GNAL: variants seen among roughly 807,000 people sequenced by gnomAD.
The protein encoded by GNAL is G protein subunit alpha L, also known as guanine nucleotide-binding protein G(olf) subunit alpha.
Under a neutral mutation model 55.1 loss-of-function variants are expected in GNAL, and 18 were observed. That is an observed-to-expected ratio of 0.33 (90% CI 0.23 to 0.48). GNAL has a LOEUF of 0.48. GNAL is among the 20% of genes least tolerant of loss of function. The pLI is 0.99. For synonymous variants in GNAL, 253 were observed against 237.0 expected, an observed-to-expected ratio of 1.07 and a Z score of -0.62; for missense variants, 412 against 614.1, an observed-to-expected ratio of 0.67 and a Z score of 3.48.
At chr18:11,709,167 A>G (rs1482785411) in intron 1 of GNAL, among the ~76,000 whole-genome samples, 1 of 152,112 alleles carries the variant, frequency 6.6e-6, no homozygotes, top group Non-Finnish European at 1.5e-5. Context: ...TTATGTATCT[A>G]TATGCCAGTA....
chr18:11,844,034 G>A lies in GNAL; in HGVS notation c.723-18361G>A, dbSNP rs568667530. Among the ~76,000 whole-genome samples, 3 of 152,224 alleles carry A rather than the reference G, an allele frequency of 2.0e-5. No individual in the cohort carries two copies. The East Asian group carries it at 5.8e-4, about 29-fold the overall frequency. On this transcript the variant is annotated intron_variant, in intron 5 of 11. Transcript: ENST00000334049. The stretch of plus-strand genomic sequence containing the variant: ...AGTTTAATTACAGTTATTCCTTGAC[G>A]AAAAGAAATGGCCAAGATTAGCCTT...
At position 11,884,453 on chromosome 18, in the gene GNAL, T is replaced by C; in HGVS notation, c.*3318T>C. On this transcript the variant is annotated 3_prime_UTR_variant, in exon 12 of 12. Transcript: ENST00000334049. The stretch of plus-strand genomic sequence containing the variant: ...ATAATGGCGCCTGCTCTTCATCTTG[T>C]CTTACGCTTTCCGAGCAAGTTCAAA... 6.2e-7 allele frequency: 1 copy of C among 1,614,028 alleles called. No homozygotes were observed. The highest frequency in any genetic ancestry group is 8.5e-7 in the Non-Finnish European group (1 of 1,179,942).
chr18:11,800,311 C>T (rs917079291), intron 4 of GNAL, among the ~76,000 whole-genome samples: 3 of 152,086 alleles, frequency 2.0e-5, no homozygotes, highest in African/African-American at 7.2e-5. Flanking sequence ...GTGTCCAATC[C>T]ACCCCTGCAG....
At chr18:11,799,897 C>A (rs950266495) in intron 4 of GNAL, among the ~76,000 whole-genome samples, 8 of 152,008 alleles carry the variant, frequency 5.3e-5, no homozygotes, top group African/African-American at 1.7e-4. Flanking sequence ...TTCTCTCTCC[C>A]TCTCTCTCGC....
intron 6 of GNAL, among the ~76,000 whole-genome samples, chr18:11,864,149 C>T (rs1190030493): frequency 2.0e-5 from 3 of 147,884 alleles, no homozygotes; most frequent in Admixed American, 6.7e-5. Flanking sequence ...TGCAATGGCG[C>T]GATCTCAGCT....
chr18:11,707,604 A>C (rs1404851080), intron 1 of GNAL, among the ~76,000 whole-genome samples: 1 of 152,208 alleles, frequency 6.6e-6, no homozygotes, highest in Non-Finnish European at 1.5e-5. Flanking sequence ...ATTGATTTCA[A>C]CTTAAAGTTA....
chr18:11,803,604 G>T (rs1386016984), intron 4 of GNAL, among the ~76,000 whole-genome samples: 1 of 152,252 alleles, frequency 6.6e-6, no homozygotes, highest in South Asian at 2.1e-4. Context: ...ATATTGTGTA[G>T]TGGTGAAGTG....
intron 9 of GNAL, among the ~76,000 whole-genome samples, chr18:11,870,000 A>T (rs2036358031): frequency 6.6e-6 from 1 of 152,334 alleles, no homozygotes; most frequent in South Asian, 2.1e-4. Flanking sequence ...ACAACTACTT[A>T]CCTAGCTTTT....
At chr18:11,847,360 A>G (rs2035762008) in intron 5 of GNAL, among the ~76,000 whole-genome samples, 1 of 151,916 alleles carries the variant, frequency 6.6e-6, no homozygotes, top group Non-Finnish European at 1.5e-5. Context: ...AAATAGTTTA[A>G]CTCACAAGAG....
chr18:11,761,038 C>G (rs1455952945), intron 4 of GNAL, among the ~76,000 whole-genome samples: 1 of 152,176 alleles, frequency 6.6e-6, no homozygotes, highest in African/African-American at 2.4e-5. Context: ...GGAAGTGGAG[C>G]AGAGCTAGCG....
intron 4 of GNAL, among the ~76,000 whole-genome samples, chr18:11,806,970 C>A (rs2034679804): frequency 6.6e-6 from 1 of 151,944 alleles, no homozygotes; most frequent in Non-Finnish European, 1.5e-5. Flanking sequence ...ACTGGCCTGG[C>A]CAACATGGTG....
At chr18:11,704,331 C>T (rs748433677) in intron 1 of GNAL, among the ~76,000 whole-genome samples, 3 of 152,234 alleles carry the variant, frequency 2.0e-5, no homozygotes, top group Admixed American at 2.0e-4. Flanking sequence ...CAGAAACAGC[C>T]ACACAGTCAC....
intron 1 of GNAL, among the ~76,000 whole-genome samples, chr18:11,742,146 A>G (rs2032590369): frequency 6.6e-6 from 1 of 152,108 alleles, no homozygotes; most frequent in Non-Finnish European, 1.5e-5. Context: ...ATGCTTTGTT[A>G]CCTGTGTGTT....
chr18:11,708,203 T>G (rs959670334), intron 1 of GNAL, among the ~76,000 whole-genome samples: 12 of 152,208 alleles, frequency 7.9e-5, no homozygotes, highest in Non-Finnish European at 1.5e-4. Context: ...CCTTCCTCAG[T>G]AAGCTTAATC....
At chr18:11,722,236 A>G (rs1161158552) in intron 1 of GNAL, among the ~76,000 whole-genome samples, 1 of 152,222 alleles carries the variant, frequency 6.6e-6, no homozygotes, top group African/African-American at 2.4e-5. Flanking sequence ...TTAACTTACC[A>G]CCAGCAAATG....
intron 4 of GNAL, among the ~76,000 whole-genome samples, chr18:11,818,976 G>A (rs372374287): frequency 1.1e-4 from 16 of 152,214 alleles, no homozygotes; most frequent in East Asian, 5.8e-4. Context: ...GCTCAGTGTG[G>A]ACCACCGGCC....
chr18:11,884,752 T>C lies in GNAL; in HGVS notation c.*3617T>C. ...CTCAGGTGAGGCAGGGAACGGGCCC[T>C]CCTCACCTGAGACCAAGGGGGCCCA... On this transcript the variant is annotated 3_prime_UTR_variant, in exon 12 of 12. Coordinates refer to ENST00000334049, the MANE Select transcript of GNAL (RefSeq NM_182978.4). 7.8e-7 allele frequency: 1 copy of C among 1,280,020 alleles called. No individual in the cohort carries two copies. 79.3% of individuals were successfully genotyped at this position (1,280,020 alleles called of 1,614,324 possible).
intron 5 of GNAL, chr18:11,833,475 CCT>C (rs2035433095): frequency 6.6e-6 from 1 of 152,170 alleles, no homozygotes; most frequent in Non-Finnish European, 1.5e-5. Flanking sequence ...GCCATCAGCC[CCT>C]GTTACATGTT....
At chr18:11,874,611 A>AG (rs1451593543) in intron 10 of GNAL, among the ~76,000 whole-genome samples, 1 of 101,816 alleles carries the variant, frequency 9.8e-6, no homozygotes, top group Non-Finnish European at 2.0e-5. Flanking sequence ...ACAAAAAAAA[A>AG]GCACTCCAGC....
Sources: gnomAD v4.1 joint callset for allele counts (sites outside exome capture counted in the v4.1 genomes callset) on GRCh38, gnomAD v4.1.1 for gene constraint, MANE v1.5 for transcripts, NCBI Gene and HGNC (gene_info 2026-07-23, HGNC 2026-07-21) for gene names.